CIB2: variants seen among roughly 807,000 people sequenced by gnomAD.
CIB2 encodes the protein calcium and integrin binding family member 2.
A neutral mutation model predicts 23.1 loss-of-function variants in CIB2; 19 were observed. The ratio of observed to expected loss-of-function variants is 0.82; its 90% confidence interval spans 0.57 to 1.21. The LOEUF is 1.21. Among genes scored for constraint, CIB2 ranks in the 50% most tolerant of loss-of-function variants. CIB2 has a pLI of 0.00. For missense variants in CIB2, 220 were observed against 241.5 expected (o/e 0.91, Z 0.59); for synonymous variants, 94 against 91.7 (o/e 1.03, Z -0.14).
intron 1 of CIB2, among the ~76,000 whole-genome samples, chr15:78,128,503 C>G (rs577169259): frequency 6.6e-6 from 1 of 152,254 alleles, no homozygotes; most frequent in East Asian, 1.9e-4. Flanking sequence ...ATGGCAAAAC[C>G]CTGTTTTTAC....
rs182327128 is a variant in CIB2, at chr15:78,108,691, T to C, written c.346+544A>G. Among the ~76,000 whole-genome samples, 313 of 152,332 alleles carry C rather than the reference T, an allele frequency of 2.1e-3. 2 individuals are homozygous for C. Among genetic ancestry groups the C allele is most frequent in the Non-Finnish European group, 3.8e-3 (259 of 68,026 alleles). ...CCTCCATTTTACACCTCAAAGCTGC[T>C]GAGTGATCCTTCTAGAAAACAGAGC... is the stretch of plus-strand genomic sequence containing the variant. On this transcript the variant is annotated intron_variant, in intron 4 of 5. Transcript: ENST00000258930.
intron 4 of CIB2, among the ~76,000 whole-genome samples, 185 bp from the exon 5 acceptor site, chr15:78,106,119 G>A (rs2074067196): frequency 6.6e-6 from 1 of 152,140 alleles, no homozygotes; most frequent in African/African-American, 2.4e-5. Context: ...ACCAGGCATC[G>A]CTTAAACACC....
At chr15:78,109,139 T>A (rs1265889405) in intron 4 of CIB2, 96 bp downstream of exon 4, 16 of 1,382,196 alleles carry the variant, frequency 1.2e-5, no homozygotes, top group Non-Finnish European at 1.5e-5. Context: ...CTGTTCTTGG[T>A]GTCCCTAGGG....
chr15:78,106,244 G>T (rs755271061), intron 4 of CIB2, among the ~76,000 whole-genome samples: 50 of 152,224 alleles, frequency 3.3e-4, no homozygotes, highest in Non-Finnish European at 5.0e-4. Context: ...AGCCCTTCCT[G>T]GCCTTAGCCC....
chr15:78,119,111 C>CA (rs1158853261), intron 2 of CIB2, among the ~76,000 whole-genome samples: 1 of 148,774 alleles, frequency 6.7e-6, no homozygotes, highest in Non-Finnish European at 1.5e-5. Context: ...ACCTGGGAGG[C>CA]AGAGATTGCA....
chr15:78,105,445 G>A, intron 5 of CIB2, 113 bp from the exon 6 acceptor site: 1 of 1,572,468 alleles, frequency 6.4e-7, no homozygotes, highest in African/African-American at 1.4e-5. Flanking sequence ...TGCCTCATTA[G>A]GGAACCCTGC....
At chr15:78,109,466 C>A in intron 3 of CIB2, 84 bp from the exon 4 acceptor site, 4 of 1,545,188 alleles carry the variant, frequency 2.6e-6, no homozygotes, top group Non-Finnish European at 3.6e-6. Flanking sequence ...GCCTGTGTGA[C>A]CCTGGAGGAG....
chr15:78,112,373 C>T (rs997201176), intron 2 of CIB2, among the ~76,000 whole-genome samples: 2 of 151,950 alleles, frequency 1.3e-5, no homozygotes, highest in African/African-American at 4.8e-5. Context: ...TTGAGACCAG[C>T]CTAGGCAACA....
In CIB2 at chr15:78,109,354, G is replaced by A. The variant is rs147498144; in HGVS notation, c.227C>T (p.Ala76Val). The change falls in exon 4 of 6, where the codon GCG (alanine) becomes GTG (valine). Residue 76 changes from alanine to valine, a missense_variant. By Grantham distance (64) the Ala-to-Val change is moderately conservative. Transcript: ENST00000258930. The stretch of plus-strand genomic sequence containing the variant: ...CCCCTCACCATCCTCGGAAAACGCC[G>A]CCACGATCCTTTCTTTGAAGGGATT... ...RENPFKERIV[A>V]AFSEDGEGNL... The A allele has an allele frequency of 1.3e-4, 205 of 1,613,910 alleles. No homozygotes were observed. Among genetic ancestry groups the A allele is most frequent in the Non-Finnish European group, 9.7e-5 (114 of 1,180,030 alleles).
At chr15:78,121,869 A>G (rs894297) in intron 2 of CIB2, among the ~76,000 whole-genome samples, 139,662 of 152,228 alleles carry the variant, frequency 0.92, 64,346 homozygotes, top group East Asian at 1. Flanking sequence ...ACTGGCCTTC[A>G]AGCTCCTCTC....
chr15:78,117,246 CAAAAAAA>C lies in CIB2; in HGVS notation c.87-5977_87-5971del, dbSNP rs60332437. 5.6e-4 allele frequency among the ~76,000 whole-genome samples: 31 copies of C among 55,480 alleles called. No homozygotes were observed. In the East Asian group the frequency reaches 0.013, roughly 22 times the overall value. The allele number at this position is 55,480 out of a possible 152,430, so 36.4% of individuals were successfully genotyped here. On this transcript the variant is annotated intron_variant, in intron 2 of 5. Transcript: ENST00000258930. ...GTTAAGTGTTTCTTCAAGCTACTGG[CAAAAAAA>C]AAAAAAAAAAAAAAAAAAAAAAGTT... is the stretch of plus-strand genomic sequence containing the variant.
chr15:78,125,733 T>C (rs933118648), intron 1 of CIB2, among the ~76,000 whole-genome samples: 1 of 152,178 alleles, frequency 6.6e-6, no homozygotes, highest in Non-Finnish European at 1.5e-5. Context: ...TGCTGATGCA[T>C]GTTGAAGTGT....
chr15:78,125,239 T>G (rs1009110296), intron 1 of CIB2, among the ~76,000 whole-genome samples: 3 of 152,158 alleles, frequency 2.0e-5, no homozygotes, highest in Admixed American at 1.3e-4. Flanking sequence ...TGGGCTGATT[T>G]ATCAGCAAAC....
intron 4 of CIB2, 36 bp downstream of exon 4, chr15:78,109,199 C>CCGCATATTCAGG: frequency 9.2e-7 from 1 of 1,090,942 alleles, no homozygotes. Flanking sequence ...TGTTCCCCCA[C>CCGCATATTCAGG]CGCATATTCA....
intron 4 of CIB2, 36 bp downstream of exon 4, chr15:78,109,199 C>CCCG: frequency 9.2e-7 from 1 of 1,090,938 alleles, no homozygotes; most frequent in South Asian, 1.3e-5. Context: ...TGTTCCCCCA[C>CCCG]CGCATATTCA....
At chr15:78,125,757 C>G (rs1435084346) in intron 1 of CIB2, among the ~76,000 whole-genome samples, 1 of 152,190 alleles carries the variant, frequency 6.6e-6, no homozygotes, top group Non-Finnish European at 1.5e-5. Context: ...GAAGTCTGCT[C>G]TAGAGCAGAA....
At chr15:78,110,771 A>C (rs2074146931) in intron 3 of CIB2, 1 of 458,202 alleles carries the variant, frequency 2.2e-6, no homozygotes, top group Admixed American at 2.3e-5. Flanking sequence ...AGGTACGTTA[A>C]AGTCTGAGAA....
chr15:78,105,218 G>C lies in CIB2; in HGVS notation c.*93C>G. 1 of 1,537,720 alleles carries C rather than the reference G, an allele frequency of 6.5e-7. No individual in the cohort carries two copies. Among genetic ancestry groups the C allele is most frequent in the Non-Finnish European group, 8.9e-7 (1 of 1,117,386 alleles). ...ATTTGTGGTGTAAACCCCAGAGGCT[G>C]CCACTGCTTTCCTGGGGAGCTTGGA... is the stretch of plus-strand genomic sequence containing the variant. On this transcript the variant is annotated 3_prime_UTR_variant, in exon 6 of 6. Transcript: ENST00000258930.
chr15:78,130,882 G>C (rs1288224894), intron 1 of CIB2, among the ~76,000 whole-genome samples: 2 of 151,866 alleles, frequency 1.3e-5, no homozygotes, highest in African/African-American at 2.4e-5. Flanking sequence ...CGCTGGAATG[G>C]GTGGCTGGAG....
Sources: gnomAD v4.1 joint callset for allele counts (sites outside exome capture counted in the v4.1 genomes callset) on GRCh38, gnomAD v4.1.1 for gene constraint, MANE v1.5 for transcripts, NCBI Gene and HGNC (gene_info 2026-07-23, HGNC 2026-07-21) for gene names.